Variants in PPT1 observed in about 807,000 individuals in gnomAD.
The protein encoded by PPT1 is palmitoyl-protein thioesterase 1.
Under a neutral mutation model 44.0 loss-of-function variants are expected in PPT1, and 24 were observed. The ratio of observed to expected loss-of-function variants is 0.54; its 90% CI spans 0.39 to 0.77. The LOEUF is 0.77. PPT1 is among the 30% of genes least tolerant of loss of function. PPT1 has a pLI of 0.00. For missense variants in PPT1, 341 were observed against 378.8 expected, an observed-to-expected ratio of 0.90 and a Z score of 0.83; for synonymous variants, 148 against 140.2, an observed-to-expected ratio of 1.06 and a Z score of -0.39.
At chr1:40,097,016 G>T in intron 1 of PPT1, 99 bp downstream of exon 1, 1 of 1,602,728 alleles carries the variant, frequency 6.2e-7, no homozygotes, top group Non-Finnish European at 8.5e-7. Context: ...CGTGCTGTGG[G>T]ACCACGTCCT....
chr1:40,079,127 G>C (rs1290514785), intron 6 of PPT1, among the ~76,000 whole-genome samples: 1 of 152,148 alleles, frequency 6.6e-6, no homozygotes, highest in African/African-American at 2.4e-5. Context: ...CATTTGCTTA[G>C]GATAACGGCC....
chr1:40,080,266 A>G (rs990294543), intron 6 of PPT1, 131 bp downstream of exon 6: 60 of 1,007,090 alleles, frequency 6.0e-5, no homozygotes, highest in Non-Finnish European at 8.4e-5. Flanking sequence ...CTGCCTCCCA[A>G]AAAAAACAGA....
chr1:40,084,544 C>T (rs1384772342), intron 5 of PPT1, among the ~76,000 whole-genome samples: 3 of 152,198 alleles, frequency 2.0e-5, no homozygotes, highest in Non-Finnish European at 4.4e-5. Context: ...CATTGTCTCA[C>T]TTTAAGAAAT....
chr1:40,083,621 T>C (rs1283762196), intron 5 of PPT1, among the ~76,000 whole-genome samples: 2 of 152,174 alleles, frequency 1.3e-5, no homozygotes, highest in Non-Finnish European at 2.9e-5. Context: ...CTACAGCCCA[T>C]GGATCAAGTA....
intron 8 of PPT1, 139 bp downstream of exon 8, chr1:40,076,703 G>A (rs1446121832): frequency 1.9e-6 from 3 of 1,553,108 alleles, no homozygotes; most frequent in Non-Finnish European, 2.6e-6. Flanking sequence ...ACCCATATTG[G>A]ACATGAGTCA....
At chr1:40,077,288 C>T (rs1056312782) in intron 7 of PPT1, among the ~76,000 whole-genome samples, 21 of 152,278 alleles carry the variant, frequency 1.4e-4, no homozygotes, top group African/African-American at 4.1e-4. Flanking sequence ...GGTCAGCAAA[C>T]GTTTTTGTAA....
At chr1:40,092,632 T>C in intron 1 of PPT1, 125 bp from the exon 2 acceptor site, 4 of 813,746 alleles carry the variant, frequency 4.9e-6, no homozygotes, top group Non-Finnish European at 8.5e-6. Context: ...AAGAAAATAT[T>C]TGCAAAACAG....
intron 5 of PPT1, among the ~76,000 whole-genome samples, chr1:40,082,799 G>A (rs1008745874): frequency 1.3e-5 from 2 of 152,204 alleles, no homozygotes; most frequent in East Asian, 3.8e-4. Context: ...TGAAGGTGGC[G>A]ACCATAAACA....
At chr1:40,075,682 G>A (rs1226067962) in intron 8 of PPT1, among the ~76,000 whole-genome samples, 1 of 151,684 alleles carries the variant, frequency 6.6e-6, no homozygotes, top group Non-Finnish European at 1.5e-5. Context: ...AAATCCTTAG[G>A]GCTGGGCGTG....
rs779783483 is a variant in PPT1 at position 40,078,584 on chromosome 1, G to A, written c.702C>T (p.Ser234=). The change falls in exon 7 of 9, where the codon TCC becomes TCT. Residue 234 remains serine (S), a synonymous_variant. Coordinates refer to ENST00000642050, the MANE Select transcript of PPT1 (RefSeq NM_000310.4). ...CCTCCGAATCTACAGGGTCCACAATGGAATCATTGAGGAATTTCACCATCA... is the reference window on the plus strand; with the variant it reads ...CCTCCGAATCTACAGGGTCCACAATAGAATCATTGAGGAATTTCACCATCA... The part of the protein sequence containing the change: ...KFVMVKFLND[S]IVDPVDSEWF... 2 of 1,613,802 alleles carry A rather than the reference G, an allele frequency of 1.2e-6. No individual in the cohort carries two copies. Among genetic ancestry groups the A allele is most frequent in the Middle Eastern group, 1.6e-4 (1 of 6,084 alleles).
In PPT1 at chr1:40,092,403, T is replaced by A; in HGVS notation, c.229A>T (p.Met77Leu). ...ACAGCTGTGAAGCGCCTTACCTCCATCAGGGTCTTCCCAATCTCTAAAGAT... is the reference window on the plus strand; with the variant it reads ...ACAGCTGTGAAGCGCCTTACCTCCAACAGGGTCTTCCCAATCTCTAAAGAT... ...VLSLEIGKTL[M>L]EDVENSFFLN... is the part of the protein sequence containing the mutation. The change falls in exon 2 of 9, where the codon ATG (methionine) becomes TTG (leucine). Residue 77 changes from methionine (M) to leucine (L), a missense_variant. By Grantham distance (15) the Met-to-Leu change is conservative (BLOSUM62 2). Coordinates refer to ENST00000642050, the MANE Select transcript of PPT1 (RefSeq NM_000310.4). The A allele has an allele frequency of 6.2e-7, 1 of 1,606,756 alleles. No individual in the cohort carries two copies. Among genetic ancestry groups the A allele is most frequent in the African/African-American group, 1.3e-5 (1 of 74,894 alleles).
At chr1:40,089,234 C>G (rs1649421074) in intron 5 of PPT1, among the ~76,000 whole-genome samples, 176 bp downstream of exon 5, 1 of 147,692 alleles carries the variant, frequency 6.8e-6, no homozygotes, top group African/African-American at 2.5e-5. Context: ...TGCAGTGAGA[C>G]AAAATCACGC....
chr1:40,096,632 G>C (rs570255961), intron 1 of PPT1, among the ~76,000 whole-genome samples: 2 of 150,864 alleles, frequency 1.3e-5, no homozygotes, highest in South Asian at 4.2e-4. Context: ...CAGATCTCTT[G>C]TATATATGCA....
intron 3 of PPT1, 52 bp from the exon 4 acceptor site, chr1:40,091,451 T>G: frequency 6.8e-7 from 1 of 1,477,938 alleles, no homozygotes; most frequent in South Asian, 1.2e-5. Flanking sequence ...AAATGTATCA[T>G]CCACAATCAG....
At chr1:40,077,440 A>G (rs1252191767) in intron 7 of PPT1, among the ~76,000 whole-genome samples, 1 of 152,270 alleles carries the variant, frequency 6.6e-6, no homozygotes, top group Non-Finnish European at 1.5e-5. Flanking sequence ...TTTAAATTTT[A>G]CATAATCTTT....
chr1:40,081,493 C>A (rs1039014711), intron 5 of PPT1, among the ~76,000 whole-genome samples: 2 of 151,902 alleles, frequency 1.3e-5, no homozygotes, highest in African/African-American at 4.8e-5. Context: ...GCCAAGATCA[C>A]GCCATTGCAC....
intron 6 of PPT1, 122 bp from the exon 7 acceptor site, chr1:40,078,780 G>A (rs1364500925): frequency 3.6e-6 from 3 of 838,856 alleles, no homozygotes; most frequent in Admixed American, 4.0e-5. Context: ...CATGGGTATG[G>A]GCTGTTTTCC....
intron 5 of PPT1, among the ~76,000 whole-genome samples, chr1:40,085,862 C>T (rs1649230658): frequency 6.6e-6 from 1 of 152,166 alleles, no homozygotes; most frequent in East Asian, 1.9e-4. Context: ...GAACCAAATC[C>T]TCAGTTTCTC....
chr1:40,094,615 T>G (rs1358793383), intron 1 of PPT1, among the ~76,000 whole-genome samples: 1 of 152,192 alleles, frequency 6.6e-6, no homozygotes, highest in Admixed American at 6.5e-5. Flanking sequence ...CCCAGACTTG[T>G]TTCTTCTATT....
Sources: gnomAD v4.1 joint callset for allele counts (sites outside exome capture counted in the v4.1 genomes callset) on GRCh38, gnomAD v4.1.1 for gene constraint, MANE v1.5 for transcripts, NCBI Gene and HGNC (gene_info 2026-07-23, HGNC 2026-07-21) for gene names.